Variants in POU2F3 observed in about 807,000 individuals in gnomAD.
POU2F3 encodes the protein POU class 2 homeobox 3.
A neutral mutation model predicts 59.2 loss-of-function variants in POU2F3; 23 were observed. The observed-to-expected ratio is 0.39, with a 90% CI of 0.28 to 0.55. The LOEUF (loss-of-function observed/expected upper bound fraction) is 0.55. Ranked by LOEUF, POU2F3 falls within the 20% of genes least tolerant of loss-of-function variation. The pLI is 0.66. For synonymous variants in POU2F3, 190 were observed against 214.6 expected (o/e 0.89, Z 1.00); for missense variants, 473 against 544.5 (o/e 0.87, Z 1.31).
At chr11:120,253,121 C>T (rs1292436813) in intron 2 of POU2F3, among the ~76,000 whole-genome samples, 1 of 152,168 alleles carries the variant, frequency 6.6e-6, no homozygotes, top group Non-Finnish European at 1.5e-5. Flanking sequence ...CAGCCTGTCA[C>T]AGACATGCAC....
At position 120,291,072 on chromosome 11, in the gene POU2F3, A is replaced by G. The variant is rs539928526; in HGVS notation, c.133-7193A>G. Among the ~76,000 whole-genome samples, 4 of 152,360 alleles carry G rather than the reference A, an allele frequency of 2.6e-5. No homozygotes were observed. The South Asian group carries it at 6.2e-4, about 24-fold the overall frequency. ...GGATGCTGGCTCCAAAGCCAAGTGC[A>G]TTATGTTTCCATATCAAACAGATGT... On this transcript the variant is annotated intron_variant, in intron 3 of 12. Coordinates refer to ENST00000543440, the MANE Select transcript of POU2F3 (RefSeq NM_014352.4).
At position 120,307,408 on chromosome 11, in the gene POU2F3, C is replaced by T. The variant is rs552698403; in HGVS notation, c.770-71C>T. On this transcript the variant is annotated intron_variant, in intron 8 of 12. Coordinates refer to ENST00000543440, the MANE Select transcript of POU2F3 (RefSeq NM_014352.4). ...AGCCCATCGGGAAGGGTTGTTGGAC[C>T]TCAGATCCATGAAGGCACCGGCCAC... The T allele has an allele frequency of 1.9e-6, 3 of 1,560,210 alleles. No homozygotes were observed. The South Asian group carries it at 3.5e-5, about 18-fold the overall frequency.
chr11:120,236,642 C>T (rs988389881), upstream of POU2F3: 96 of 1,469,694 alleles, frequency 6.5e-5, no homozygotes, highest in Middle Eastern at 3.4e-4. Flanking sequence ...CTCTCTATCT[C>T]ACTCCAGCCC....
At chr11:120,317,690 G>T (rs767830988) in intron 12 of POU2F3, among the ~76,000 whole-genome samples, 5 of 150,676 alleles carry the variant, frequency 3.3e-5, no homozygotes, top group Non-Finnish European at 7.4e-5. Context: ...TGGGAACCCA[G>T]TTCTCAGGAG....
rs893034337 is a variant in POU2F3, at chr11:120,290,838, G to A, written c.133-7427G>A. ...TGTGTGTATGGGCACGCGCGTGCAC[G>A]CGTGTGTACGTTCAGGACAGGGCAT... On this transcript the variant is annotated intron_variant, in intron 3 of 12. Transcript: ENST00000543440. Among the ~76,000 whole-genome samples the A allele has an allele frequency of 4.6e-5, 7 of 152,200 alleles. No individual in the cohort carries two copies. The East Asian group carries it at 5.8e-4, about 13-fold the overall frequency.
chr11:120,282,283 G>T (rs978559911), intron 3 of POU2F3, among the ~76,000 whole-genome samples: 1 of 152,100 alleles, frequency 6.6e-6, no homozygotes, highest in African/African-American at 2.4e-5. Flanking sequence ...TACCTAACAG[G>T]GTGGTTTTTG....
Position 120,298,421 on chromosome 11 carries a change from G to A in POU2F3, c.258+31G>A, listed in dbSNP as rs1452276426. ...ACTGTGATTTTCACAGTGGGCCAGTGTGTTTAACCCAATCCCTCTGTGAAA... is the reference window on the plus strand; with the variant it reads ...ACTGTGATTTTCACAGTGGGCCAGTATGTTTAACCCAATCCCTCTGTGAAA... On this transcript the variant is annotated intron_variant, in intron 4 of 12. Coordinates refer to ENST00000543440, the MANE Select transcript of POU2F3 (RefSeq NM_014352.4). 5 of 1,612,294 alleles carry A rather than the reference G, an allele frequency of 3.1e-6. 1 individual carries two copies. The African/African-American group carries it at 6.7e-5, about 22-fold the overall frequency.
At chr11:120,302,739 A>G (rs1211820233) in intron 6 of POU2F3, 2 of 215,372 alleles carry the variant, frequency 9.3e-6, no homozygotes, top group Non-Finnish European at 9.2e-6. Flanking sequence ...TCAAGCCCCA[A>G]GAGGGAGACT....
chr11:120,278,643 C>T (rs1940432956), intron 3 of POU2F3, among the ~76,000 whole-genome samples: 2 of 152,114 alleles, frequency 1.3e-5, no homozygotes, highest in East Asian at 1.9e-4. Context: ...TGTAAACCAG[C>T]GCCACCCCCA....
In POU2F3 at chr11:120,305,117, A is replaced by G. The variant is rs1176923581; in HGVS notation, c.532A>G (p.Ser178Gly). Residue 178 changes from serine (S) to glycine (G), a missense_variant, in exon 7 of 13, where the codon AGC becomes GGC. Ser to Gly is a moderately conservative substitution (Grantham distance 56). Transcript: ENST00000543440. Reference protein sequence around the residue: ...QHLPVPKHLPSSGGADEPSDL... With the variant: ...QHLPVPKHLPGSGGADEPSDL... ...TCTCCCAGTGCCCAAGCATCTACCC[A>G]GCTCTGGAGGGGCCGATGAGCCCAG... The G allele has an allele frequency of 1.9e-6, 3 of 1,613,980 alleles. No individual in the cohort carries two copies. The highest frequency in any genetic ancestry group is 2.5e-6 in the Non-Finnish European group (3 of 1,179,996).
rs899803221 is a variant in POU2F3 at position 120,305,580 on chromosome 11, G to A, written c.628-64G>A. 16 of 1,591,834 alleles carry A rather than the reference G, an allele frequency of 1.0e-5. No homozygotes were observed. In the African/African-American group the frequency reaches 2.0e-4, roughly 20 times the overall value. On this transcript the variant is annotated intron_variant, in intron 7 of 12. Coordinates refer to ENST00000543440, the MANE Select transcript of POU2F3 (RefSeq NM_014352.4). ...TGTGATCGATGCTAGGACCATGCAGGATGTGGGCAAACAAGAGGAGGAGGC... is the reference window on the plus strand; with the variant it reads ...TGTGATCGATGCTAGGACCATGCAGAATGTGGGCAAACAAGAGGAGGAGGC...
rs114201837 is a variant in POU2F3, at chr11:120,305,297, A to G, written c.627+85A>G. The stretch of plus-strand genomic sequence containing the variant: ...CCAAGTGCAGGTTTCAAGAGCGACC[A>G]GAGGCTCGATGTGTTTGGGGTCTCC... On this transcript the variant is annotated intron_variant, in intron 7 of 12. Coordinates refer to ENST00000543440, the MANE Select transcript of POU2F3 (RefSeq NM_014352.4). The G allele has an allele frequency of 2.8e-3, 4,111 of 1,479,564 alleles. 107 individuals are homozygous for G. In the African/African-American group the frequency reaches 0.05, roughly 18 times the overall value. 91.7% of individuals were successfully genotyped at this position (1,479,564 alleles called of 1,614,324 possible).
rs368873781 is a variant in POU2F3, at chr11:120,305,532, C to T, written c.628-112C>T. Reference sequence around the variant, plus strand: ...TGGAAAGGAGCCGAGCATGGGTGAGCACTCAAAGATTCAGGCTGGCTGTGT... The same window carrying T: ...TGGAAAGGAGCCGAGCATGGGTGAGTACTCAAAGATTCAGGCTGGCTGTGT... On this transcript the variant is annotated intron_variant, in intron 7 of 12. Transcript: ENST00000543440. 6.9e-3 allele frequency: 9,923 copies of T among 1,447,210 alleles called. 722 individuals carry two copies. The South Asian group carries it at 0.12, about 18-fold the overall frequency. 89.6% of individuals were successfully genotyped at this position (1,447,210 alleles called of 1,614,324 possible).
chr11:120,307,671 C>T (rs1941536110), intron 9 of POU2F3, 56 bp downstream of exon 9: 1 of 1,603,556 alleles, frequency 6.2e-7, no homozygotes, highest in Non-Finnish European at 8.5e-7. Context: ...GTAGGGAGAG[C>T]AGACACGGCC....
chr11:120,287,239 AGCTATATG>A (rs1940815470), intron 3 of POU2F3, among the ~76,000 whole-genome samples: 3 of 152,324 alleles, frequency 2.0e-5, no homozygotes, highest in Admixed American at 1.3e-4. Flanking sequence ...TCTGCCACTT[AGCTATATG>A]GCCTTTGGGA....
rs576654567 is a variant in POU2F3 at position 120,310,332 on chromosome 11, C to A, written c.1068+746C>A. Among the ~76,000 whole-genome samples, 5 of 152,154 alleles carry A rather than the reference C, an allele frequency of 3.3e-5. No homozygotes were observed. The East Asian group carries it at 5.8e-4, about 18-fold the overall frequency. On this transcript the variant is annotated intron_variant, in intron 10 of 12. Transcript: ENST00000543440. ...TGAAAGGGTTTTGGCCTGAGCAATG[C>A]GTTGGAAAGCACTGCCATTTTTTTG...
At chr11:120,280,217 T>G (rs1940507502) in intron 3 of POU2F3, among the ~76,000 whole-genome samples, 1 of 152,206 alleles carries the variant, frequency 6.6e-6, no homozygotes, top group Non-Finnish European at 1.5e-5. Context: ...TTAATACTAT[T>G]TATTGAACCT....
intron 3 of POU2F3, among the ~76,000 whole-genome samples, chr11:120,271,473 G>T (rs2135200826): frequency 6.6e-6 from 1 of 152,292 alleles, no homozygotes; most frequent in South Asian, 2.1e-4. Context: ...TGTGCTTTCT[G>T]CCCTGAGGAC....
At chr11:120,263,587 G>A (rs535139060) in intron 2 of POU2F3, among the ~76,000 whole-genome samples, 7 of 152,216 alleles carry the variant, frequency 4.6e-5, no homozygotes, top group Admixed American at 1.3e-4. Context: ...TTTTTTCTGC[G>A]TCACTCAATG....
Sources: allele counts gnomAD v4.1 joint callset (sites outside exome capture counted in the v4.1 genomes callset), GRCh38; gene constraint gnomAD v4.1.1; transcripts MANE v1.5; gene names NCBI Gene and HGNC (gene_info 2026-07-23, HGNC 2026-07-21).